RIC1: variants seen among roughly 807,000 people sequenced by gnomAD.
RIC1 encodes RIC1 partner of RAB6A GEF complex, also known as guanine nucleotide exchange factor subunit RIC1.
A neutral mutation model predicts 169.0 loss-of-function variants in RIC1; 88 were observed. The observed-to-expected ratio is 0.52, with a 90% CI of 0.44 to 0.62. RIC1 has a LOEUF of 0.62. Among genes scored for constraint, RIC1 ranks in the 20% least tolerant of loss-of-function variants. The probability of loss-of-function intolerance (pLI) is 0.00; values close to 1 mark genes in which losing one functional copy is unlikely to be tolerated. For missense variants in RIC1, 1,877 were observed against 1,725.5 expected (o/e 1.09, Z -1.56); for synonymous variants, 790 against 601.5 (o/e 1.31, Z -4.59).
downstream of RIC1, among the ~76,000 whole-genome samples, chr9:5,777,543 G>C (rs1827658657): frequency 6.6e-6 from 1 of 152,010 alleles, no homozygotes; most frequent in African/African-American, 2.4e-5. Flanking sequence ...CTGTTTTTAA[G>C]TCCAACTTAT....
In RIC1 at chr9:5,651,716, A is replaced by G. The variant is rs566803611; in HGVS notation, c.145-4867A>G. Among the ~76,000 whole-genome samples, 6 of 151,884 alleles carry G rather than the reference A, an allele frequency of 4.0e-5. No individual in the cohort carries two copies. The East Asian group carries it at 1.2e-3, about 29-fold the overall frequency. ...GTAGCTGAGATTACAGGTGCATGCC[A>G]CCATGCCCAGCTAATTTTTGTATTT... On this transcript the variant is annotated intron_variant, in intron 1 of 25. Coordinates refer to ENST00000414202, the MANE Select transcript of RIC1 (RefSeq NM_020829.4).
intron 7 of RIC1, among the ~76,000 whole-genome samples, chr9:5,735,236 C>T (rs1355221578): frequency 6.6e-6 from 1 of 151,728 alleles, no homozygotes; most frequent in Non-Finnish European, 1.5e-5. Flanking sequence ...TTATCTGACA[C>T]CTGTCGTGAC....
At chr9:5,715,912 A>C (rs566100911) in intron 4 of RIC1, among the ~76,000 whole-genome samples, 3 of 151,714 alleles carry the variant, frequency 2.0e-5, no homozygotes, top group Admixed American at 6.6e-5. Context: ...CAGCGGCATG[A>C]TCACAGCTCA....
intron 2 of RIC1, among the ~76,000 whole-genome samples, chr9:5,676,613 C>T (rs1001743055): frequency 1.3e-5 from 2 of 152,082 alleles, no homozygotes; most frequent in Non-Finnish European, 2.9e-5. Context: ...TTATTAGAGC[C>T]ATAGGCATCT....
At chr9:5,738,591 C>A in intron 8 of RIC1, 53 bp downstream of exon 8, 2 of 1,048,812 alleles carry the variant, frequency 1.9e-6, no homozygotes, top group Non-Finnish European at 2.7e-6. Context: ...ACTGGTATTG[C>A]CATTTGTAGC....
intron 3 of RIC1, among the ~76,000 whole-genome samples, chr9:5,701,543 G>A (rs10975251): frequency 0.26 from 39,977 of 150,858 alleles, 6,416 homozygotes; most frequent in East Asian, 0.61. Flanking sequence ...GCAGTTTGCC[G>A]AGATTGCACC....
At position 5,633,995 on chromosome 9, in the gene RIC1, T is replaced by G. The variant is rs543429789; in HGVS notation, c.144+4542T>G. On this transcript the variant is annotated intron_variant, in intron 1 of 25. Transcript: ENST00000414202. ...CATATATGAGATCATGAAGTTGTTT[T>G]TTGTCTTGCTTACTTAGTATACTGT... 1.4e-4 allele frequency among the ~76,000 whole-genome samples: 22 copies of G among 152,326 alleles called. No individual in the cohort carries two copies. In the East Asian group the frequency reaches 4.0e-3, roughly 28 times the overall value.
At position 5,762,570 on chromosome 9, in the gene RIC1, C is replaced by T; in HGVS notation, c.2022C>T (p.Asn674=). The T allele has an allele frequency of 6.2e-7, 1 of 1,613,918 alleles. No individual in the cohort carries two copies. Among genetic ancestry groups the T allele is most frequent in the Admixed American group, 1.7e-5 (1 of 60,016 alleles). Residue 674 remains asparagine, a synonymous_variant, in exon 18 of 26, where the codon AAC becomes AAT. Coordinates refer to ENST00000414202, the MANE Select transcript of RIC1 (RefSeq NM_020829.4). ...GTGGTGCAGAGAGCATTATGTTAAA[C>T]CTGGCAGGACAGCTCATCATGATGC... ...QARGAESIML[N]LAGQLIMMQR...
chr9:5,673,535 G>GAGATATATATATAT (rs1554663215), intron 2 of RIC1, among the ~76,000 whole-genome samples: 1 of 119,304 alleles, frequency 8.4e-6, no homozygotes, highest in African/African-American at 3.6e-5. Flanking sequence ...AACATAAGGA[G>GAGATATATATATAT]ATATATATAT....
At chr9:5,655,302 A>G (rs1015712737) in intron 1 of RIC1, among the ~76,000 whole-genome samples, 3 of 151,440 alleles carry the variant, frequency 2.0e-5, no homozygotes, top group African/African-American at 7.3e-5. Context: ...TTTTTTGTTT[A>G]TTTGTTTTGT....
chr9:5,680,423 C>T (rs1156512798), intron 2 of RIC1, among the ~76,000 whole-genome samples: 1 of 152,184 alleles, frequency 6.6e-6, no homozygotes, highest in African/African-American at 2.4e-5. Flanking sequence ...ATGGTACCAT[C>T]TCTTCCTTGT....
At chr9:5,673,892 T>G (rs1820277325) in intron 2 of RIC1, among the ~76,000 whole-genome samples, 1 of 152,084 alleles carries the variant, frequency 6.6e-6, no homozygotes, top group Non-Finnish European at 1.5e-5. Context: ...TATACAACAT[T>G]TGTGATAAAA....
chr9:5,748,514 C>G (rs1192935994), intron 12 of RIC1: 1 of 152,616 alleles, frequency 6.6e-6, no homozygotes, highest in Non-Finnish European at 1.5e-5. Context: ...TAATTAGTAA[C>G]AATTTTTAAA....
At chr9:5,719,459 A>T (rs917565668) in intron 4 of RIC1, 2 of 152,192 alleles carry the variant, frequency 1.3e-5, no homozygotes, top group Admixed American at 1.3e-4. Flanking sequence ...GACGGAGAAT[A>T]TTTTATTCAT....
chr9:5,737,545 A>G (rs984404967), intron 7 of RIC1, among the ~76,000 whole-genome samples: 12 of 151,142 alleles, frequency 7.9e-5, no homozygotes, highest in African/African-American at 2.4e-4. Context: ...CTGTATATCT[A>G]CTATATATAT....
intron 2 of RIC1, among the ~76,000 whole-genome samples, chr9:5,660,703 T>A (rs1586898543): frequency 6.6e-6 from 1 of 152,310 alleles, no homozygotes; most frequent in South Asian, 2.1e-4. Context: ...TGGGATTTTT[T>A]TTTTCTTGTA....
chr9:5,770,223 T>G lies in RIC1; in HGVS notation c.3561T>G (p.Ala1187=), dbSNP rs757595745. The G allele has an allele frequency of 6.2e-7, 1 of 1,613,998 alleles. No homozygotes were observed. The highest frequency in any genetic ancestry group is 1.1e-5 in the South Asian group (1 of 91,070). The change falls in exon 23 of 26, where the codon GCT becomes GCG. Residue 1187 remains alanine, a synonymous_variant. Transcript: ENST00000414202. The part of the protein sequence containing the change: ...IGPTHHEIDT[A]SSHGPQMQDA... ...CCACCCATCATGAGATAGACACAGC[T>G]TCATCCCATGGACCACAAATGCAAG... is the stretch of plus-strand genomic sequence containing the variant.
At chr9:5,635,261 TG>T (rs1402119812) in intron 1 of RIC1, among the ~76,000 whole-genome samples, 2 of 152,336 alleles carry the variant, frequency 1.3e-5, no homozygotes, top group Non-Finnish European at 2.9e-5. Flanking sequence ...ATTACAAGCA[TG>T]GGCCACCACA....
chr9:5,634,429 G>T (rs1234786999), intron 1 of RIC1, among the ~76,000 whole-genome samples: 1 of 152,188 alleles, frequency 6.6e-6, no homozygotes, highest in Admixed American at 6.5e-5. Context: ...TATCCTAACA[G>T]GTGTGAGGTA....
Sources: allele counts gnomAD v4.1 joint callset (sites outside exome capture counted in the v4.1 genomes callset), GRCh38; gene constraint gnomAD v4.1.1; transcripts MANE v1.5; gene names NCBI Gene and HGNC (gene_info 2026-07-23, HGNC 2026-07-21).